Variants in OSBPL1A observed in about 807,000 individuals in gnomAD.
OSBPL1A encodes the protein oxysterol-binding protein-related protein 1.
OSBPL1A carries 80 observed loss-of-function variants against 137.1 expected under a neutral mutation model. The observed-to-expected ratio is 0.58, with a 90% CI of 0.49 to 0.70. The LOEUF is 0.70. Among genes scored for constraint, OSBPL1A ranks in the 30% least tolerant of loss-of-function variants. The probability of loss-of-function intolerance (pLI) is 0.00; values close to 1 mark genes in which losing one functional copy is unlikely to be tolerated. For missense variants in OSBPL1A, 970 were observed against 1,129.4 expected (o/e 0.86, Z 2.02); for synonymous variants, 365 against 389.7 (o/e 0.94, Z 0.75).
In OSBPL1A at chr18:24,352,584, C is replaced by T. The variant is rs866654074; in HGVS notation, c.283-10926G>A. 4.3e-3 allele frequency among the ~76,000 whole-genome samples: 649 copies of T among 152,020 alleles called. 6 individuals carry two copies. Among genetic ancestry groups the T allele is most frequent in the African/African-American group, 0.015 (622 of 41,454 alleles). On this transcript the variant is annotated intron_variant, in intron 4 of 27. Transcript: ENST00000319481. ...AAACTACTTTAAAGTTCATATGGAA[C>T]GAAAAAAGAGCCTGCATTGCCAAGT...
chr18:24,177,434 T>G (rs2086478127), intron 21 of OSBPL1A, among the ~76,000 whole-genome samples: 1 of 152,228 alleles, frequency 6.6e-6, no homozygotes, highest in African/African-American at 2.4e-5. Context: ...CAGGTTTTGA[T>G]TTCTCTCCCC....
intron 18 of OSBPL1A, among the ~76,000 whole-genome samples, chr18:24,194,033 C>T (rs1207400153): frequency 1.3e-5 from 2 of 152,210 alleles, no homozygotes; most frequent in African/African-American, 4.8e-5. Flanking sequence ...GTAAACTAGA[C>T]AGATTGCTAG....
chr18:24,171,953 T>G (rs1339807483), intron 22 of OSBPL1A, among the ~76,000 whole-genome samples: 2 of 151,856 alleles, frequency 1.3e-5, no homozygotes, highest in African/African-American at 2.4e-5. Flanking sequence ...CTTTTTTTTT[T>G]TTTTTGAGAT....
intron 4 of OSBPL1A, among the ~76,000 whole-genome samples, chr18:24,365,646 G>A (rs2091693744): frequency 6.6e-6 from 1 of 151,944 alleles, no homozygotes; most frequent in African/African-American, 2.4e-5. Context: ...AAACAATTCA[G>A]TGGTACCCTG....
intron 2 of OSBPL1A, among the ~76,000 whole-genome samples, chr18:24,375,314 CAAAAAA>C (rs61252568): frequency 0.015 from 617 of 41,738 alleles, 6 homozygotes; most frequent in African/African-American, 0.051. Context: ...AACCCTGTCT[CAAAAAA>C]AAAAAAAAAA....
chr18:24,379,780 A>G (rs1599734634), intron 1 of OSBPL1A, among the ~76,000 whole-genome samples: 1 of 151,518 alleles, frequency 6.6e-6, no homozygotes. Context: ...CTGAGGCAGG[A>G]GAATCGCTTG....
At chr18:24,178,316 C>T (rs373928347) in intron 20 of OSBPL1A, 121 bp from the exon 21 acceptor site, 29 of 1,014,846 alleles carry the variant, frequency 2.9e-5, no homozygotes, top group Non-Finnish European at 3.9e-5. Context: ...GTTGTTGAGA[C>T]AAAATCTTGC....
chr18:24,326,331 C>G (rs960719646), intron 7 of OSBPL1A, among the ~76,000 whole-genome samples: 3 of 152,154 alleles, frequency 2.0e-5, no homozygotes, highest in African/African-American at 7.2e-5. Flanking sequence ...TCTGCCAGTC[C>G]TCATCCATTC....
chr18:24,172,893 T>C (rs924477489), intron 21 of OSBPL1A, among the ~76,000 whole-genome samples: 5 of 152,206 alleles, frequency 3.3e-5, no homozygotes, highest in Non-Finnish European at 7.3e-5. Flanking sequence ...TCTGATTTTA[T>C]AATCCTATAT....
intron 15 of OSBPL1A, among the ~76,000 whole-genome samples, chr18:24,246,715 C>T (rs368044996): frequency 4.0e-5 from 6 of 150,402 alleles, no homozygotes; most frequent in African/African-American, 1.5e-4. Flanking sequence ...CACTTGAACC[C>T]GGGAGGCGGA....
Position 24,341,668 on chromosome 18 carries a change from A to G in OSBPL1A, c.283-10T>C. 6.4e-7 allele frequency: 1 copy of G among 1,561,734 alleles called. No individual in the cohort carries two copies. Among genetic ancestry groups the G allele is most frequent in the Non-Finnish European group, 8.8e-7 (1 of 1,141,110 alleles). On this transcript the variant is annotated splice_polypyrimidine_tract_variant and intron_variant, in intron 4 of 27. Coordinates refer to ENST00000319481, the MANE Select transcript of OSBPL1A (RefSeq NM_080597.4). ...GAAGCATTACCAACTCCTAAAAATC[A>G]GAGAATTTATTTTTAACTATTAAGC...
intron 4 of OSBPL1A, among the ~76,000 whole-genome samples, chr18:24,355,004 C>T (rs1350613028): frequency 6.6e-6 from 1 of 152,148 alleles, no homozygotes; most frequent in Non-Finnish European, 1.5e-5. Context: ...ACTTTCCCCA[C>T]ACCACCCCTT....
intron 15 of OSBPL1A, among the ~76,000 whole-genome samples, chr18:24,266,577 G>T (rs936502210): frequency 6.6e-6 from 1 of 152,122 alleles, no homozygotes; most frequent in Non-Finnish European, 1.5e-5. Flanking sequence ...GTGAGCAAAA[G>T]AAACAGAAAT....
rs535373408 is a variant in OSBPL1A at position 24,305,973 on chromosome 18, T to A, written c.1093-2255A>T. On this transcript the variant is annotated intron_variant, in intron 13 of 27. Coordinates refer to ENST00000319481, the MANE Select transcript of OSBPL1A (RefSeq NM_080597.4). ...GAATCAATTAAACCTCTTTCCTTTA[T>A]AAATTACCCAGTCTGGGGTATGTCT... 1.6e-3 allele frequency among the ~76,000 whole-genome samples: 237 copies of A among 152,352 alleles called. 1 individual carries two copies. Among genetic ancestry groups the A allele is most frequent in the African/African-American group, 5.2e-3 (218 of 41,588 alleles).
chr18:24,181,021 G>C, intron 19 of OSBPL1A, 124 bp downstream of exon 19: 7 of 1,177,730 alleles, frequency 5.9e-6, no homozygotes, highest in Non-Finnish European at 7.1e-6. Context: ...TGCGGACTGA[G>C]CTTTGATAAA....
rs1036614135 is a variant in OSBPL1A at position 24,378,586 on chromosome 18, G to A, written c.-2-1051C>T. On this transcript the variant is annotated intron_variant, in intron 1 of 27. Transcript: ENST00000319481. ...TATAAAGATTACATTATTTGTAATA[G>A]TGGAAAAGTTAGAAACCACTCCATG... is the stretch of plus-strand genomic sequence containing the variant. 2.6e-5 allele frequency among the ~76,000 whole-genome samples: 4 copies of A among 152,172 alleles called. 1 individual carries two copies. Among genetic ancestry groups the A allele is most frequent in the Non-Finnish European group, 5.9e-5 (4 of 68,040 alleles).
chr18:24,297,181 C>A (rs1271517861), intron 14 of OSBPL1A, among the ~76,000 whole-genome samples: 1 of 152,048 alleles, frequency 6.6e-6, no homozygotes, highest in East Asian at 1.9e-4. Context: ...CTGCTTATTA[C>A]TGGTCTGCTC....
At chr18:24,385,867 C>T (rs928673029) in intron 1 of OSBPL1A, among the ~76,000 whole-genome samples, 1 of 152,112 alleles carries the variant, frequency 6.6e-6, no homozygotes, top group Non-Finnish European at 1.5e-5. Flanking sequence ...GACACCTGGG[C>T]ATGTTTAAAG....
intron 1 of OSBPL1A, among the ~76,000 whole-genome samples, chr18:24,393,407 A>T (rs1191473610): frequency 1.3e-5 from 2 of 152,244 alleles, no homozygotes; most frequent in Admixed American, 1.3e-4. Context: ...GCCAGAATGT[A>T]GAAGGGGTGA....
Sources: gnomAD v4.1 joint callset for allele counts (sites outside exome capture counted in the v4.1 genomes callset) on GRCh38, gnomAD v4.1.1 for gene constraint, MANE v1.5 for transcripts, NCBI Gene and HGNC (gene_info 2026-07-23, HGNC 2026-07-21) for gene names.